The following GADL1 variants were observed in gnomAD, a reference collection of about 807,000 sequenced individuals.
GADL1 encodes the protein acidic amino acid decarboxylase GADL1.
GADL1 carries 71 observed loss-of-function variants against 69.5 expected under a neutral mutation model. That is an observed-to-expected ratio of 1.02 (90% CI 0.84 to 1.25). The LOEUF (loss-of-function observed/expected upper bound fraction) is 1.25. Among genes scored for constraint, GADL1 ranks in the 50% most tolerant of loss-of-function variants. The pLI, the probability that GADL1 is intolerant of heterozygous loss-of-function variation, is 0.00. For synonymous variants in GADL1, 254 were observed against 214.4 expected, an observed-to-expected ratio of 1.18 and a Z score of -1.62; for missense variants, 737 against 631.8, an observed-to-expected ratio of 1.17 and a Z score of -1.79.
intron 14 of GADL1, among the ~76,000 whole-genome samples, chr3:30,737,825 G>A (rs530058860): frequency 5.9e-5 from 9 of 152,162 alleles, no homozygotes; most frequent in Non-Finnish European, 1.2e-4. Context: ...TAAAAGAACT[G>A]CCTCATTCAT....
At chr3:30,829,187 T>G (rs556223978) in intron 11 of GADL1, among the ~76,000 whole-genome samples, 124 of 151,810 alleles carry the variant, frequency 8.2e-4, no homozygotes, top group African/African-American at 2.9e-3. Context: ...TAATCACAGG[T>G]TTTTTTTAAA....
intron 14 of GADL1, among the ~76,000 whole-genome samples, chr3:30,753,729 A>C (rs1695892680): frequency 6.6e-6 from 1 of 151,386 alleles, no homozygotes; most frequent in Admixed American, 6.6e-5. Context: ...CAAGTACAAT[A>C]AATGAAAACT....
At position 30,889,089 on chromosome 3, in the gene GADL1, A is replaced by T. The variant is rs1279305289; in HGVS notation, c.37+5489T>A. 5.8e-4 allele frequency among the ~76,000 whole-genome samples: 81 copies of T among 140,624 alleles called. 1 individual carries two copies. The highest frequency in any genetic ancestry group is 2.0e-3 in the African/African-American group (71 of 36,322). The allele number at this position is 140,624 out of a possible 152,430, so 92.3% of individuals were successfully genotyped here. ...ACCGAAGACTCGGTAATCTATAAAAAAAAAAAAAAAAAAAAAAAAAAAAAA... is the reference window on the plus strand; with the variant it reads ...ACCGAAGACTCGGTAATCTATAAAATAAAAAAAAAAAAAAAAAAAAAAAAA... On this transcript the variant is annotated intron_variant, in intron 1 of 14. Coordinates refer to ENST00000282538, the MANE Select transcript of GADL1 (RefSeq NM_207359.3).
chr3:30,815,290 G>A (rs535892047), intron 11 of GADL1, among the ~76,000 whole-genome samples: 36 of 152,238 alleles, frequency 2.4e-4, no homozygotes, highest in Non-Finnish European at 4.7e-4. Flanking sequence ...ACTAGTAAAG[G>A]AACAAAAAGG....
intron 14 of GADL1, among the ~76,000 whole-genome samples, chr3:30,757,390 C>A (rs995712235): frequency 6.6e-6 from 1 of 151,944 alleles, no homozygotes; most frequent in Non-Finnish European, 1.5e-5. Flanking sequence ...TCATCAGAAG[C>A]CTATAAAAAG....
intron 14 of GADL1, among the ~76,000 whole-genome samples, chr3:30,756,903 T>TCG (rs1553635990): frequency 1.1e-3 from 169 of 152,004 alleles, no homozygotes; most frequent in African/African-American, 4.0e-3. Context: ...TGGGGGTAGT[T>TCG]TATGTAGCAA....
chr3:30,759,307 C>CT (rs1696063911), intron 14 of GADL1, among the ~76,000 whole-genome samples: 1 of 152,226 alleles, frequency 6.6e-6, no homozygotes, highest in Non-Finnish European at 1.5e-5. Context: ...GTATATTCTA[C>CT]TCCCTGCACT....
chr3:30,880,450 C>T (rs193158077), intron 1 of GADL1, among the ~76,000 whole-genome samples: 139 of 151,966 alleles, frequency 9.1e-4, no homozygotes, highest in African/African-American at 3.1e-3. Flanking sequence ...GAATAAGTCT[C>T]ATGAGATCTG....
chr3:30,758,165 C>T (rs1184555534), intron 14 of GADL1, among the ~76,000 whole-genome samples: 1 of 152,180 alleles, frequency 6.6e-6, no homozygotes, highest in Non-Finnish European at 1.5e-5. Context: ...AAACATCATG[C>T]CTTGGCTTTA....
chr3:30,792,928 G>A (rs774192043), intron 12 of GADL1, among the ~76,000 whole-genome samples: 3 of 152,114 alleles, frequency 2.0e-5, no homozygotes, highest in Non-Finnish European at 4.4e-5. Context: ...ACATTGCTAC[G>A]TGAACAAAAT....
intron 14 of GADL1, among the ~76,000 whole-genome samples, chr3:30,750,832 C>G (rs1313427896): frequency 7.2e-6 from 1 of 139,334 alleles, no homozygotes; most frequent in Non-Finnish European, 1.5e-5. Flanking sequence ...TTCGCCTTAG[C>G]TCATTTTTTT....
intron 11 of GADL1, among the ~76,000 whole-genome samples, chr3:30,831,647 CGT>C (rs1181135447): frequency 9.9e-4 from 150 of 151,952 alleles, no homozygotes; most frequent in African/African-American, 3.5e-3. Flanking sequence ...GGTAACAACC[CGT>C]ATATCATGTC....
chr3:30,743,776 C>T (rs761973001), intron 14 of GADL1, among the ~76,000 whole-genome samples: 1 of 152,154 alleles, frequency 6.6e-6, no homozygotes, highest in African/African-American at 2.4e-5. Context: ...TCCTTCTTGC[C>T]TTTGCCTCAT....
intron 14 of GADL1, among the ~76,000 whole-genome samples, chr3:30,730,396 A>G (rs922052724): frequency 1.3e-5 from 2 of 152,206 alleles, no homozygotes; most frequent in African/African-American, 4.8e-5. Flanking sequence ...TGATCACACT[A>G]GGCAAGAGAA....
intron 11 of GADL1, among the ~76,000 whole-genome samples, chr3:30,814,866 A>C (rs1321950461): frequency 1.3e-5 from 2 of 152,050 alleles, no homozygotes; most frequent in African/African-American, 4.8e-5. Context: ...TGGAAGACTG[A>C]GGCAGGAGAA....
chr3:30,837,150 A>G (rs1224269009), intron 9 of GADL1, among the ~76,000 whole-genome samples: 2 of 115,048 alleles, frequency 1.7e-5, no homozygotes, highest in Non-Finnish European at 3.2e-5. Flanking sequence ...ATTTTTAAAA[A>G]GAGATAAACA....
At chr3:30,854,307 A>G (rs113279218) in intron 4 of GADL1, among the ~76,000 whole-genome samples, 2 of 152,230 alleles carry the variant, frequency 1.3e-5, no homozygotes, top group African/African-American at 4.8e-5. Context: ...TTTTACATTA[A>G]TTTTTGTGGA....
chr3:30,762,187 A>G (rs780999910), intron 14 of GADL1, among the ~76,000 whole-genome samples: 3 of 152,200 alleles, frequency 2.0e-5, no homozygotes, highest in Non-Finnish European at 4.4e-5. Context: ...CAAGGCCTCT[A>G]ACAGTGAAGA....
chr3:30,765,799 A>G (rs190379914), intron 14 of GADL1, among the ~76,000 whole-genome samples: 235 of 152,342 alleles, frequency 1.5e-3, no homozygotes, highest in African/African-American at 5.2e-3. Context: ...TCATAGGGGA[A>G]TTGTAATGCA....
Sources: allele counts gnomAD v4.1 joint callset (sites outside exome capture counted in the v4.1 genomes callset), GRCh38; gene constraint gnomAD v4.1.1; transcripts MANE v1.5; gene names NCBI Gene and HGNC (gene_info 2026-07-23, HGNC 2026-07-21).